ELMO1: variants seen among roughly 807,000 people sequenced by gnomAD.
ELMO1 encodes the protein engulfment and cell motility protein 1.
A neutral mutation model predicts 98.9 loss-of-function variants in ELMO1; 26 were observed. That is an observed-to-expected ratio of 0.26 (90% CI 0.19 to 0.36). The LOEUF (loss-of-function observed/expected upper bound fraction) is 0.36, where lower values mean the gene tolerates loss of function less well. ELMO1 is among the 10% of genes least tolerant of loss of function. The probability of loss-of-function intolerance (pLI) is 1.00; values close to 1 mark genes in which losing one functional copy is unlikely to be tolerated. For synonymous variants in ELMO1, 346 were observed against 346.0 expected (o/e 1.00, Z 0.00); for missense variants, 627 against 935.2 (o/e 0.67, Z 4.30).
chr7:37,212,487 T>C (rs1176314112), intron 12 of ELMO1, among the ~76,000 whole-genome samples: 1 of 152,156 alleles, frequency 6.6e-6, no homozygotes, highest in Non-Finnish European at 1.5e-5. Context: ...CATTGCTCTC[T>C]GCCACTAGAA....
chr7:37,155,126 C>G (rs549355893), intron 13 of ELMO1, among the ~76,000 whole-genome samples: 1 of 152,270 alleles, frequency 6.6e-6, no homozygotes, highest in South Asian at 2.1e-4. Flanking sequence ...TTTGTCACCA[C>G]CAGGCCTGCC....
At chr7:36,953,930 G>C (rs1405048313) in intron 16 of ELMO1, among the ~76,000 whole-genome samples, 16 of 150,200 alleles carry the variant, frequency 1.1e-4, no homozygotes, top group Admixed American at 1.1e-3. Flanking sequence ...TGGAAGAAGG[G>C]GAATTAAATG....
intron 14 of ELMO1, among the ~76,000 whole-genome samples, chr7:37,123,994 C>G (rs544500011): frequency 9.7e-4 from 148 of 152,238 alleles, no homozygotes; most frequent in Non-Finnish European, 1.6e-3. Flanking sequence ...TATGCAAATC[C>G]ATAAACATAA....
chr7:37,408,460 TGTGTACACTGCAGC>T (rs1583704453), intron 1 of ELMO1, among the ~76,000 whole-genome samples: 3 of 152,200 alleles, frequency 2.0e-5, no homozygotes, highest in South Asian at 4.1e-4. Flanking sequence ...TTGGCACTAC[TGTGTACACTGCAGC>T]GTTAGTCACA....
At chr7:37,348,578 T>G (rs1562634811) in intron 1 of ELMO1, among the ~76,000 whole-genome samples, 1 of 152,162 alleles carries the variant, frequency 6.6e-6, no homozygotes, top group African/African-American at 2.4e-5. Context: ...CTTCTAGAGT[T>G]AGGTACTGAA....
intron 16 of ELMO1, among the ~76,000 whole-genome samples, chr7:36,970,137 TAAACACACACAC>T (rs1327607874): frequency 5.3e-5 from 8 of 150,642 alleles, no homozygotes; most frequent in South Asian, 2.1e-4. Flanking sequence ...CTTATATATG[TAAACACACACAC>T]AAACACACAC....
intron 4 of ELMO1, among the ~76,000 whole-genome samples, chr7:37,312,186 A>C (rs1798921023): frequency 6.6e-6 from 1 of 152,174 alleles, no homozygotes; most frequent in Non-Finnish European, 1.5e-5. Context: ...TCCACATCCC[A>C]GGTTCAAGTG....
intron 9 of ELMO1, among the ~76,000 whole-genome samples, chr7:37,223,231 CA>C (rs1014909690): frequency 6.6e-6 from 1 of 151,966 alleles, no homozygotes; most frequent in African/African-American, 2.4e-5. Flanking sequence ...GGAAAGGAAC[CA>C]GAAATAATAA....
At chr7:37,200,542 C>T (rs1298997619) in intron 13 of ELMO1, among the ~76,000 whole-genome samples, 11 of 152,292 alleles carry the variant, frequency 7.2e-5, no homozygotes, top group South Asian at 4.1e-4. Context: ...TCACCTGTGA[C>T]GAATGGGCCA....
chr7:37,009,812 A>G (rs1793422219), intron 16 of ELMO1, among the ~76,000 whole-genome samples: 1 of 152,240 alleles, frequency 6.6e-6, no homozygotes, highest in Admixed American at 6.5e-5. Context: ...ACATTTCTGA[A>G]TTTGAATTTG....
At chr7:36,883,661 C>G (rs1804673765) in intron 18 of ELMO1, among the ~76,000 whole-genome samples, 1 of 152,196 alleles carries the variant, frequency 6.6e-6, no homozygotes, top group Non-Finnish European at 1.5e-5. Flanking sequence ...CACCTTCTAC[C>G]ATGATTGGAT....
intron 13 of ELMO1, among the ~76,000 whole-genome samples, chr7:37,194,979 T>C (rs934068327): frequency 1.3e-5 from 2 of 152,346 alleles, no homozygotes; most frequent in African/African-American, 4.8e-5. Flanking sequence ...GCAGGAACTG[T>C]GCTGGGTGCA....
At chr7:37,187,311 C>G (rs1412050658) in intron 13 of ELMO1, among the ~76,000 whole-genome samples, 1 of 152,062 alleles carries the variant, frequency 6.6e-6, no homozygotes, top group Non-Finnish European at 1.5e-5. Context: ...GGAGGACGAA[C>G]AGATTGGGGT....
Position 36,988,058 on chromosome 7 carries a change from G to A in ELMO1, c.1437+25241C>T, listed in dbSNP as rs1037114280. Among the ~76,000 whole-genome samples the A allele has an allele frequency of 5.3e-5, 8 of 152,150 alleles. No homozygotes were observed. In the South Asian group the frequency reaches 1.7e-3, roughly 32 times the overall value. On this transcript the variant is annotated intron_variant, in intron 16 of 21. Transcript: ENST00000310758. ...CAGGCGGGAGCCACGACGCCTGGCC[G>A]CCCATTGGTCTTGATGTTGGATTTG...
intron 1 of ELMO1, among the ~76,000 whole-genome samples, chr7:37,443,961 G>A (rs980156655): frequency 2.6e-5 from 4 of 152,194 alleles, no homozygotes; most frequent in African/African-American, 9.6e-5. Flanking sequence ...CTGGAGCACC[G>A]TGGTGAGATC....
chr7:37,193,511 G>C (rs1791774404), intron 13 of ELMO1, among the ~76,000 whole-genome samples: 1 of 152,216 alleles, frequency 6.6e-6, no homozygotes, highest in Non-Finnish European at 1.5e-5. Flanking sequence ...GGTTATCAGA[G>C]AGTGACACGG....
chr7:37,265,418 A>C (rs1328313852), intron 5 of ELMO1, among the ~76,000 whole-genome samples: 2 of 152,146 alleles, frequency 1.3e-5, no homozygotes, highest in Non-Finnish European at 2.9e-5. Context: ...AAAGGTAAAA[A>C]CATCCATTGA....
intron 6 of ELMO1, among the ~76,000 whole-genome samples, chr7:37,258,433 T>A (rs1181468821): frequency 4.3e-5 from 6 of 139,552 alleles, no homozygotes; most frequent in Non-Finnish European, 7.8e-5. Flanking sequence ...AAAGACTCCA[T>A]CTCAAATAAA....
chr7:37,385,219 G>A (rs1802747540), intron 1 of ELMO1, among the ~76,000 whole-genome samples: 1 of 152,196 alleles, frequency 6.6e-6, no homozygotes, highest in African/African-American at 2.4e-5. Flanking sequence ...TCATGTGGCT[G>A]CCCTACTCAA....
Sources: allele counts gnomAD v4.1 joint callset (sites outside exome capture counted in the v4.1 genomes callset), GRCh38; gene constraint gnomAD v4.1.1; transcripts MANE v1.5; gene names NCBI Gene and HGNC (gene_info 2026-07-23, HGNC 2026-07-21).